CSNK2A2IP: variants seen among roughly 807,000 people sequenced by gnomAD.
CSNK2A2IP encodes the protein casein kinase II subunit alpha'-interacting protein.
chr3:88,429,854 G>C, the CSNK2A2IP span, among the ~76,000 whole-genome samples: 1 of 151,956 alleles, frequency 6.6e-6, no homozygotes, highest in East Asian at 1.9e-4. Flanking sequence ...CCGGGTTCAC[G>C]CCATTCTCCT....
At chr3:88,423,612 C>G in the CSNK2A2IP span, among the ~76,000 whole-genome samples, 3 of 152,110 alleles carry the variant, frequency 2.0e-5, no homozygotes, top group Non-Finnish European at 2.9e-5. Context: ...GTGAAGAAAA[C>G]CTGATCAAGT....
the CSNK2A2IP span, among the ~76,000 whole-genome samples, chr3:88,447,291 G>T: frequency 1.3e-5 from 2 of 152,080 alleles, no homozygotes; most frequent in African/African-American, 2.4e-5. Flanking sequence ...GGGAAGCAAA[G>T]AAATAAATGT....
chr3:88,464,962 T>C, the CSNK2A2IP span: 1 of 159,526 alleles, frequency 6.3e-6, no homozygotes, highest in Non-Finnish European at 1.4e-5. Flanking sequence ...ACTGAGTGGC[T>C]GCAGCACATG....
chr3:88,439,354 TAAAACAACAAA>T, the CSNK2A2IP span, among the ~76,000 whole-genome samples: 21 of 151,936 alleles, frequency 1.4e-4, no homozygotes, highest in African/African-American at 5.1e-4. Context: ...TACAGTCTAA[TAAAACAACAAA>T]AAATGTATAA....
At chr3:88,395,066 T>A in the CSNK2A2IP span, among the ~76,000 whole-genome samples, 1 of 152,250 alleles carries the variant, frequency 6.6e-6, no homozygotes, top group Admixed American at 6.5e-5. Flanking sequence ...TGTTTACGCA[T>A]ATGTGCTCAT....
At chr3:88,447,581 G>T in the CSNK2A2IP span, among the ~76,000 whole-genome samples, 1 of 151,904 alleles carries the variant, frequency 6.6e-6, no homozygotes, top group Non-Finnish European at 1.5e-5. Flanking sequence ...TATTTGAAAA[G>T]GATATATTTA....
chr3:88,361,683 T>C, the CSNK2A2IP span, among the ~76,000 whole-genome samples: 5 of 152,308 alleles, frequency 3.3e-5, no homozygotes, highest in South Asian at 8.3e-4. Flanking sequence ...GAAAGTTCTT[T>C]GTCAATATTT....
chr3:88,410,116 A>C, the CSNK2A2IP span, among the ~76,000 whole-genome samples: 1 of 152,018 alleles, frequency 6.6e-6, no homozygotes, highest in East Asian at 1.9e-4. Context: ...AAAATGACTA[A>C]AAACATATGG....
At chr3:88,435,865 A>G in the CSNK2A2IP span, among the ~76,000 whole-genome samples, 1 of 149,016 alleles carries the variant, frequency 6.7e-6, no homozygotes, top group African/African-American at 2.5e-5. Context: ...GTTTTGAGAT[A>G]AATTTTAATG....
the CSNK2A2IP span, among the ~76,000 whole-genome samples, chr3:88,395,553 CTT>C: frequency 6.6e-6 from 1 of 152,222 alleles, no homozygotes; most frequent in East Asian, 1.9e-4. Context: ...CATAAATTTG[CTT>C]TTTCTTTTTC....
At chr3:88,455,709 A>T in the CSNK2A2IP span, among the ~76,000 whole-genome samples, 3 of 151,886 alleles carry the variant, frequency 2.0e-5, no homozygotes, top group Admixed American at 6.6e-5. Context: ...AGTTTGCTGT[A>T]GTCCTACTTA....
the CSNK2A2IP span, among the ~76,000 whole-genome samples, chr3:88,387,610 A>G: frequency 6.6e-6 from 1 of 152,282 alleles, no homozygotes. Context: ...ATGGAATGGT[A>G]TTGGTATGTG....
At chr3:88,413,925 T>C in the CSNK2A2IP span, among the ~76,000 whole-genome samples, 2 of 151,664 alleles carry the variant, frequency 1.3e-5, no homozygotes, top group African/African-American at 2.4e-5. Context: ...ATTTCCTTAA[T>C]AGAAGAATAG....
the CSNK2A2IP span, among the ~76,000 whole-genome samples, chr3:88,434,209 G>A: frequency 4.3e-4 from 65 of 152,228 alleles, no homozygotes; most frequent in African/African-American, 1.4e-3. Context: ...CGAGTGCACT[G>A]TTTCCTGCTG....
At chr3:88,457,751 A>AAAATC in the CSNK2A2IP span, among the ~76,000 whole-genome samples, 31,625 of 148,244 alleles carry the variant, frequency 0.21, 4,606 homozygotes, top group Non-Finnish European at 0.3. Context: ...AAAATAAAAT[A>AAAATC]AAATCTAGTA....
At chr3:88,435,489 GT>G in the CSNK2A2IP span, among the ~76,000 whole-genome samples, 5 of 152,144 alleles carry the variant, frequency 3.3e-5, no homozygotes, top group Non-Finnish European at 7.4e-5. Flanking sequence ...AACTTCTATA[GT>G]TATCTATCAA....
the CSNK2A2IP span, among the ~76,000 whole-genome samples, chr3:88,421,184 A>G: frequency 6.6e-6 from 1 of 152,102 alleles, no homozygotes; most frequent in African/African-American, 2.4e-5. Flanking sequence ...TCTATAACTT[A>G]TATTGATAAT....
the CSNK2A2IP span, among the ~76,000 whole-genome samples, chr3:88,444,334 A>C: frequency 0.014 from 2,072 of 152,240 alleles, 40 homozygotes; most frequent in African/African-American, 0.048. Flanking sequence ...TTAGATGAAG[A>C]TATTAACAGG....
chr3:88,454,862 A>G, the CSNK2A2IP span, among the ~76,000 whole-genome samples: 5 of 151,766 alleles, frequency 3.3e-5, no homozygotes, highest in African/African-American at 1.2e-4. Flanking sequence ...TTAACCTCTT[A>G]TACCCTATGA....
Sources: gnomAD v4.1 joint callset for allele counts (sites outside exome capture counted in the v4.1 genomes callset) on GRCh38, gnomAD v4.1.1 for gene constraint, MANE v1.5 for transcripts, NCBI Gene and HGNC (gene_info 2026-07-23, HGNC 2026-07-21) for gene names.